CDK14: variants seen among roughly 807,000 people sequenced by gnomAD.
The protein encoded by CDK14 is cyclin dependent kinase 14.
CDK14 carries 34 observed loss-of-function variants against 60.7 expected under a neutral mutation model. That is an observed-to-expected ratio of 0.56 (90% CI 0.43 to 0.75). The LOEUF (loss-of-function observed/expected upper bound fraction) is 0.75. Among genes scored for constraint, CDK14 ranks in the 30% least tolerant of loss-of-function variants. The probability of loss-of-function intolerance (pLI) is 0.00; values close to 1 mark genes in which losing one functional copy is unlikely to be tolerated. For synonymous variants in CDK14, 197 were observed against 203.7 expected, an observed-to-expected ratio of 0.97 and a Z score of 0.28; for missense variants, 482 against 564.1, an observed-to-expected ratio of 0.85 and a Z score of 1.47.
intron 2 of CDK14, among the ~76,000 whole-genome samples, chr7:90,606,523 T>C (rs540799876): frequency 3.2e-4 from 48 of 152,278 alleles, no homozygotes; most frequent in African/African-American, 1.1e-3. Context: ...CCTTCTGTAG[T>C]TGGAAGGGCT....
chr7:91,126,033 G>A (rs1315523153), intron 14 of CDK14, among the ~76,000 whole-genome samples: 1 of 151,996 alleles, frequency 6.6e-6, no homozygotes, highest in Non-Finnish European at 1.5e-5. Flanking sequence ...TACATACAAT[G>A]GTATAATGAT....
At chr7:90,957,318 G>T (rs1329109236) in intron 9 of CDK14, among the ~76,000 whole-genome samples, 1 of 152,164 alleles carries the variant, frequency 6.6e-6, no homozygotes, top group Non-Finnish European at 1.5e-5. Flanking sequence ...TAACTGGTGT[G>T]AGATGGTATC....
intron 8 of CDK14, among the ~76,000 whole-genome samples, chr7:90,954,402 G>T (rs952372977): frequency 6.6e-6 from 1 of 151,892 alleles, no homozygotes; most frequent in East Asian, 1.9e-4. Context: ...CTTTATACTT[G>T]TCACTAATGA....
At chr7:90,765,722 A>G (rs1804529826) in intron 4 of CDK14, among the ~76,000 whole-genome samples, 3 of 151,892 alleles carry the variant, frequency 2.0e-5, no homozygotes, top group Admixed American at 2.0e-4. Context: ...TACTCTTTTT[A>G]GCAGTGAGGC....
chr7:90,964,928 T>TAACTAATA, intron 9 of CDK14, among the ~76,000 whole-genome samples: 1 of 152,372 alleles, frequency 6.6e-6, no homozygotes, highest in South Asian at 2.1e-4. Flanking sequence ...TGATTCTTAT[T>TAACTAATA]AGTTGTCTTT....
At chr7:90,843,717 G>A (rs1044973530) in intron 5 of CDK14, among the ~76,000 whole-genome samples, 1 of 152,046 alleles carries the variant, frequency 6.6e-6, no homozygotes, top group Non-Finnish European at 1.5e-5. Context: ...GCAGTGTCTT[G>A]GGAATTTTCT....
At chr7:90,975,444 T>C (rs1166027170) in intron 9 of CDK14, among the ~76,000 whole-genome samples, 1 of 151,828 alleles carries the variant, frequency 6.6e-6, no homozygotes, top group East Asian at 1.9e-4. Context: ...AATTAGCCCA[T>C]CCTTCATATA....
intron 3 of CDK14, among the ~76,000 whole-genome samples, chr7:90,741,320 T>C (rs1349014816): frequency 6.6e-6 from 1 of 152,206 alleles, no homozygotes; most frequent in African/African-American, 2.4e-5. Context: ...GTGAGAGTAG[T>C]TGCCTGATAA....
chr7:90,994,279 C>T (rs77480838), intron 10 of CDK14, among the ~76,000 whole-genome samples: 22,223 of 152,184 alleles, frequency 0.15, 1,842 homozygotes, highest in Middle Eastern at 0.28. Flanking sequence ...TCTTAGGGCT[C>T]TCCAAGGGTT....
intron 14 of CDK14, among the ~76,000 whole-genome samples, chr7:91,143,849 C>A (rs1371618266): frequency 6.6e-6 from 1 of 152,126 alleles, no homozygotes; most frequent in Non-Finnish European, 1.5e-5. Context: ...GTGTTCTTAT[C>A]CCCGTTTTGC....
chr7:90,796,743 G>C (rs1332005794), intron 5 of CDK14, among the ~76,000 whole-genome samples: 6 of 150,460 alleles, frequency 4.0e-5, no homozygotes, highest in Non-Finnish European at 8.8e-5. Context: ...TTGGGTTTTA[G>C]GGATTTTGAG....
At chr7:90,961,712 G>A (rs1219250064) in intron 9 of CDK14, among the ~76,000 whole-genome samples, 3 of 152,184 alleles carry the variant, frequency 2.0e-5, no homozygotes, top group African/African-American at 7.2e-5. Flanking sequence ...CCAACGAAAT[G>A]CAATGCAACA....
At chr7:90,775,111 G>A (rs149868608) in intron 4 of CDK14, among the ~76,000 whole-genome samples, 151 of 152,224 alleles carry the variant, frequency 9.9e-4, no homozygotes, top group East Asian at 1.7e-3. Flanking sequence ...TAGAGAAAGA[G>A]GGGGCATTTA....
chr7:91,116,973 T>C (rs1223948861), intron 13 of CDK14, among the ~76,000 whole-genome samples: 5 of 151,244 alleles, frequency 3.3e-5, no homozygotes, highest in Non-Finnish European at 7.4e-5. Context: ...TCCCATCTCA[T>C]GATTTAAATA....
intron 2 of CDK14, among the ~76,000 whole-genome samples, chr7:90,706,897 C>A (rs566373493): frequency 2.0e-5 from 3 of 152,226 alleles, no homozygotes; most frequent in African/African-American, 7.2e-5. Flanking sequence ...AAAAGCCTGG[C>A]CCTCTTGCTT....
intron 14 of CDK14, among the ~76,000 whole-genome samples, chr7:91,179,991 A>G (rs906035746): frequency 5.3e-5 from 8 of 152,324 alleles, no homozygotes; most frequent in African/African-American, 1.9e-4. Flanking sequence ...TTTATGCTAT[A>G]GAGTATTATA....
rs550119341 is a variant in CDK14 at position 90,781,898 on chromosome 7, G to A, written c.465-8675G>A. Among the ~76,000 whole-genome samples, 938 of 152,068 alleles carry A rather than the reference G, an allele frequency of 6.2e-3. 8 individuals are homozygous for A. Among genetic ancestry groups the A allele is most frequent in the Non-Finnish European group, 0.01 (685 of 67,968 alleles). ...TGTCTTAGGATTGACTTGGTGATGCGGGCTCTTTTTTGGTTCCATATGAAC... is the reference window on the plus strand; with the variant it reads ...TGTCTTAGGATTGACTTGGTGATGCAGGCTCTTTTTTGGTTCCATATGAAC... On this transcript the variant is annotated intron_variant, in intron 4 of 14. Transcript: ENST00000380050.
intron 8 of CDK14, among the ~76,000 whole-genome samples, chr7:90,952,283 A>T (rs2117553518): frequency 6.6e-6 from 1 of 152,288 alleles, no homozygotes; most frequent in South Asian, 2.1e-4. Flanking sequence ...TCCATGCCAG[A>T]GGGTAGAACC....
In CDK14 at chr7:91,010,789, C is replaced by CTT. The variant is rs1796130193; in HGVS notation, c.1041+26548_1041+26549insTT. ...CCTTCCTTCTTTCCTTCCTTCTTTC[C>CTT]CTCCTTCCTTCTTTCCTTCCTTCCT... On this transcript the variant is annotated intron_variant, in intron 10 of 14. Coordinates refer to ENST00000380050, the MANE Select transcript of CDK14 (RefSeq NM_001287135.2). Among the ~76,000 whole-genome samples, 5 of 126,282 alleles carry CTT rather than the reference C, an allele frequency of 4.0e-5. No individual in the cohort carries two copies. In the East Asian group the frequency reaches 8.9e-4, roughly 22 times the overall value. The allele number at this position is 126,282 out of a possible 152,430, so 82.8% of individuals were successfully genotyped here. A position where few individuals can be genotyped will look rare whatever the true frequency, so the allele number is the denominator to read the frequency against.
Sources: gnomAD v4.1 joint callset for allele counts (sites outside exome capture counted in the v4.1 genomes callset) on GRCh38, gnomAD v4.1.1 for gene constraint, MANE v1.5 for transcripts, NCBI Gene and HGNC (gene_info 2026-07-23, HGNC 2026-07-21) for gene names.